Variants in CNTNAP2 observed in about 807,000 individuals in gnomAD.
The protein encoded by CNTNAP2 is contactin-associated protein-like 2.
In CNTNAP2, 98 loss-of-function variants were observed where a neutral mutation model predicts 155.2. The observed-to-expected ratio is 0.63, with a 90% CI of 0.54 to 0.75. The LOEUF is 0.75. CNTNAP2 is among the 30% of genes least tolerant of loss of function. The pLI is 0.00. For missense variants in CNTNAP2, 1,727 were observed against 1,688.1 expected, an observed-to-expected ratio of 1.02 and a Z score of -0.40; for synonymous variants, 651 against 631.2, an observed-to-expected ratio of 1.03 and a Z score of -0.47.
chr7:148,100,584 TAC>T (rs1242439057), intron 15 of CNTNAP2, among the ~76,000 whole-genome samples: 13 of 152,244 alleles, frequency 8.5e-5, no homozygotes, highest in Non-Finnish European at 1.6e-4. Context: ...AGCTGTGATA[TAC>T]ATTTTATTCT....
intron 22 of CNTNAP2, among the ~76,000 whole-genome samples, chr7:148,392,631 T>C (rs1799376418): frequency 6.6e-6 from 1 of 152,050 alleles, no homozygotes; most frequent in South Asian, 2.1e-4. Context: ...GGGTAGGAGA[T>C]GGAAAATTCA....
At chr7:148,134,065 C>T (rs189772235) in intron 16 of CNTNAP2, among the ~76,000 whole-genome samples, 39 of 152,294 alleles carry the variant, frequency 2.6e-4, no homozygotes, top group Non-Finnish European at 3.7e-4. Flanking sequence ...AATGACCCAC[C>T]GCCTATCTGT....
intron 1 of CNTNAP2, among the ~76,000 whole-genome samples, chr7:146,684,529 T>G (rs1400989978): frequency 6.6e-6 from 1 of 150,600 alleles, no homozygotes; most frequent in African/African-American, 2.5e-5. Context: ...ATAACTTATG[T>G]GGGCCAACTA....
intron 2 of CNTNAP2, among the ~76,000 whole-genome samples, chr7:146,789,122 A>T (rs532563557): frequency 1.4e-4 from 21 of 152,368 alleles, no homozygotes; most frequent in African/African-American, 5.0e-4. Flanking sequence ...GATGAATAAG[A>T]AAACTGAGAT....
At chr7:148,039,675 T>A (rs921149691) in intron 15 of CNTNAP2, among the ~76,000 whole-genome samples, 2 of 152,146 alleles carry the variant, frequency 1.3e-5, no homozygotes, top group African/African-American at 4.8e-5. Context: ...AGTGGGGACA[T>A]GGTAAAGAGC....
At chr7:146,511,426 G>C (rs181810019) in intron 1 of CNTNAP2, among the ~76,000 whole-genome samples, 1 of 152,290 alleles carries the variant, frequency 6.6e-6, no homozygotes, top group East Asian at 1.9e-4. Context: ...CTATGGGTTT[G>C]TCACGTAAGG....
intron 14 of CNTNAP2, among the ~76,000 whole-genome samples, chr7:147,968,955 G>A (rs530071695): frequency 1.4e-4 from 22 of 152,324 alleles, no homozygotes; most frequent in South Asian, 8.3e-4. Context: ...AAGGTCTGAA[G>A]AAAGCAGAAA....
intron 21 of CNTNAP2, among the ~76,000 whole-genome samples, chr7:148,281,303 C>T (rs1796970554): frequency 6.6e-6 from 1 of 152,176 alleles, no homozygotes; most frequent in Admixed American, 6.5e-5. Flanking sequence ...AGGAAAGTCC[C>T]CGATGGCAGC....
intron 16 of CNTNAP2, among the ~76,000 whole-genome samples, chr7:148,123,629 A>T (rs1804645463): frequency 7.4e-6 from 1 of 135,956 alleles, no homozygotes; most frequent in Non-Finnish European, 1.6e-5. Flanking sequence ...CAAGGAAGGG[A>T]GAGCAGGAAG....
intron 9 of CNTNAP2, among the ~76,000 whole-genome samples, chr7:147,328,930 GC>G (rs1272547890): frequency 6.6e-6 from 1 of 152,118 alleles, no homozygotes; most frequent in African/African-American, 2.4e-5. Flanking sequence ...AAGTTAACTA[GC>G]TTTTCCTTCA....
intron 13 of CNTNAP2, among the ~76,000 whole-genome samples, chr7:147,730,519 C>T (rs989947624): frequency 6.6e-6 from 1 of 151,948 alleles, no homozygotes; most frequent in African/African-American, 2.4e-5. Context: ...GAACTCTGCC[C>T]GTACAAGACA....
intron 15 of CNTNAP2, among the ~76,000 whole-genome samples, chr7:148,079,725 T>C (rs1405709241): frequency 6.6e-6 from 1 of 152,214 alleles, no homozygotes. Flanking sequence ...CATGTAATGC[T>C]ATACTAGAGT....
chr7:146,779,659 G>C lies in CNTNAP2; in HGVS notation c.208+5278G>C, dbSNP rs73740864. On this transcript the variant is annotated intron_variant, in intron 2 of 23. Transcript: ENST00000361727. ...TCCTGCCACTGATTTTTACTTAGTA[G>C]ATATGTCTAAGAATCTTGTTTGTTG... Among the ~76,000 whole-genome samples the C allele has an allele frequency of 3.4e-3, 524 of 152,268 alleles. 1 individual carries two copies. Among genetic ancestry groups the C allele is most frequent in the African/African-American group, 0.012 (486 of 41,562 alleles).
intron 1 of CNTNAP2, among the ~76,000 whole-genome samples, chr7:146,635,428 G>A (rs1224291908): frequency 6.6e-6 from 1 of 152,144 alleles, no homozygotes; most frequent in Non-Finnish European, 1.5e-5. Context: ...GGGCTGTCAT[G>A]GCTTTGTGTG....
At chr7:147,650,874 T>C (rs1563039043) in intron 13 of CNTNAP2, among the ~76,000 whole-genome samples, 1 of 152,152 alleles carries the variant, frequency 6.6e-6, no homozygotes, top group Non-Finnish European at 1.5e-5. Context: ...ATAAGACTTA[T>C]AAATACTGAA....
At chr7:146,794,625 T>C (rs187416667) in intron 2 of CNTNAP2, among the ~76,000 whole-genome samples, 41 of 152,292 alleles carry the variant, frequency 2.7e-4, no homozygotes, top group Admixed American at 8.5e-4. Context: ...AACTTTCCCA[T>C]GGTGTCTGTT....
chr7:147,403,832 A>T (rs372816467), intron 10 of CNTNAP2, among the ~76,000 whole-genome samples: 120 of 151,734 alleles, frequency 7.9e-4, no homozygotes, highest in African/African-American at 2.8e-3. Context: ...GAAAAAAAAA[A>T]TTTTATTAGT....
intron 1 of CNTNAP2, among the ~76,000 whole-genome samples, chr7:146,691,914 GT>G (rs1800703425): frequency 1.3e-5 from 2 of 151,992 alleles, no homozygotes; most frequent in African/African-American, 4.8e-5. Context: ...CAATGGTAAC[GT>G]CTTGGATTGG....
chr7:148,346,087 G>T (rs545632012), intron 21 of CNTNAP2, among the ~76,000 whole-genome samples: 2 of 152,032 alleles, frequency 1.3e-5, no homozygotes, highest in Admixed American at 1.3e-4. Flanking sequence ...CACCCTCTGC[G>T]TTGTGAATTT....
Sources: gnomAD v4.1 joint callset for allele counts (sites outside exome capture counted in the v4.1 genomes callset) on GRCh38, gnomAD v4.1.1 for gene constraint, MANE v1.5 for transcripts, NCBI Gene and HGNC (gene_info 2026-07-23, HGNC 2026-07-21) for gene names.